The following CACNA1C variants were observed in gnomAD, a reference collection of about 807,000 sequenced individuals.
CACNA1C encodes voltage-dependent L-type calcium channel subunit alpha-1C.
CACNA1C carries 30 observed loss-of-function variants against 229.0 expected under a neutral mutation model. That is an observed-to-expected ratio of 0.13 (90% CI 0.10 to 0.18). The LOEUF (loss-of-function observed/expected upper bound fraction) is 0.18. CACNA1C is among the 10% of genes least tolerant of loss of function. The pLI, the probability that CACNA1C is intolerant of heterozygous loss-of-function variation, is 1.00. For synonymous variants in CACNA1C, 1,114 were observed against 1,132.5 expected, an observed-to-expected ratio of 0.98 and a Z score of 0.33; for missense variants, 1,658 against 2,845.0, an observed-to-expected ratio of 0.58 and a Z score of 9.49.
chr12:2,246,148 G>A lies in CACNA1C; in HGVS notation c.477+125718G>A, dbSNP rs376944179. On this transcript the variant is annotated intron_variant, in intron 3 of 46. Transcript: ENST00000399655. ...AGCAAACAGAGCAAGAGAAGATGGT[G>A]CCGGCAGCAAACAGCACAGGGCATG... Among the ~76,000 whole-genome samples the A allele has an allele frequency of 3.2e-4, 49 of 152,312 alleles. No individual in the cohort carries two copies. The East Asian group carries it at 6.0e-3, about 19-fold the overall frequency.
chr12:2,149,833 T>C (rs2095073553), intron 3 of CACNA1C, among the ~76,000 whole-genome samples: 1 of 152,148 alleles, frequency 6.6e-6, no homozygotes, highest in Non-Finnish European at 1.5e-5. Flanking sequence ...AGGCCTGACC[T>C]GGGGCCCAGG....
rs534319485 is a variant in CACNA1C, at chr12:2,106,265, C to T, written c.50-8959C>T. On this transcript the variant is annotated intron_variant, in intron 1 of 46. Transcript: ENST00000399655. The stretch of plus-strand genomic sequence containing the variant: ...AGCTGGGCGTCCTGAAGCCACTGGG[C>T]GCCCACCCCGGGGAGGATTTCTACC... 1.4e-4 allele frequency among the ~76,000 whole-genome samples: 7 copies of T among 49,856 alleles called. 1 individual carries two copies. The highest frequency in any genetic ancestry group is 7.6e-4 in the South Asian group (1 of 1,310). The allele number at this position is 49,856 out of a possible 152,430, so 32.7% of individuals were successfully genotyped here.
chr12:2,651,195 G>A lies in CACNA1C; in HGVS notation c.3946-445G>A, dbSNP rs2094931876. 5.8e-6 allele frequency: 1 copy of A among 173,538 alleles called. No individual in the cohort carries two copies. The highest frequency in any genetic ancestry group is 6.2e-5 in the Admixed American group (1 of 16,222). 10.7% of individuals were successfully genotyped at this position (173,538 alleles called of 1,614,324 possible). On this transcript the variant is annotated intron_variant, in intron 31 of 46. Transcript: ENST00000399655. This position sits in a 1 kb window ranked among gnomAD's most constrained non-coding sequence, Gnocchi z 5.4. ...CAACCCACATCCTCGGAGAGTGCTG[G>A]GCTCCACTTAGGACACAGGACTGTC...
At chr12:2,499,952 T>C (rs1368179210) in intron 7 of CACNA1C, among the ~76,000 whole-genome samples, 1 of 152,122 alleles carries the variant, frequency 6.6e-6, no homozygotes, top group East Asian at 1.9e-4. Context: ...CCCCCCAAAG[T>C]AGGTGGACCA....
intron 3 of CACNA1C, among the ~76,000 whole-genome samples, chr12:2,281,278 T>A (rs932876300): frequency 2.0e-5 from 3 of 152,170 alleles, no homozygotes; most frequent in African/African-American, 7.2e-5. Context: ...GTTCTAAACC[T>A]CACAATACAT....
rs958905847 is a variant in CACNA1C at position 2,119,356 on chromosome 12, C to T, written c.372-969C>T. On this transcript the variant is annotated intron_variant, in intron 2 of 46. Transcript: ENST00000399655. ...TGGGCTGCAAACTTGGCAGTGGGAG[C>T]GGGGTAGGTGGGAGTGGAGCTGGAA... Among the ~76,000 whole-genome samples the T allele has an allele frequency of 4.6e-5, 7 of 152,154 alleles. No individual in the cohort carries two copies. In the South Asian group the frequency reaches 6.2e-4, roughly 13 times the overall value.
chr12:2,609,941 T>C (rs1044631061), intron 27 of CACNA1C, among the ~76,000 whole-genome samples: 1 of 152,114 alleles, frequency 6.6e-6, no homozygotes, highest in East Asian at 1.9e-4. Context: ...CTGGCCAACA[T>C]GGTGAAACCC....
At chr12:2,517,630 C>G (rs2099799990) in intron 9 of CACNA1C, among the ~76,000 whole-genome samples, 1 of 152,204 alleles carries the variant, frequency 6.6e-6, no homozygotes, top group Non-Finnish European at 1.5e-5. Context: ...ATGTTGAGGT[C>G]TCCCCACTCT....
At chr12:2,110,094 A>G (rs2081062159) in intron 1 of CACNA1C, among the ~76,000 whole-genome samples, 1 of 152,240 alleles carries the variant, frequency 6.6e-6, no homozygotes, top group South Asian at 2.1e-4. Context: ...CCAAGTCCCC[A>G]GCACCAAGCC....
chr12:2,158,544 C>G, intron 3 of CACNA1C, among the ~76,000 whole-genome samples: 1 of 152,036 alleles, frequency 6.6e-6, no homozygotes, highest in East Asian at 1.9e-4. Context: ...AAAAAAGTTT[C>G]TAGAAAGAAG....
chr12:2,060,725 A>AG (rs1280074499), intron 1 of CACNA1C, among the ~76,000 whole-genome samples: 3 of 152,208 alleles, frequency 2.0e-5, no homozygotes, highest in African/African-American at 7.2e-5. Context: ...ATTTGCCAAC[A>AG]GGGGTTTCTT....
intron 1 of CACNA1C, among the ~76,000 whole-genome samples, chr12:2,078,902 G>A (rs2064290115): frequency 6.6e-6 from 1 of 152,004 alleles, no homozygotes; most frequent in Non-Finnish European, 1.5e-5. Flanking sequence ...ATGATAGACT[G>A]GAATAAGAAA....
At chr12:2,555,164 G>A (rs1346970137) in intron 10 of CACNA1C, among the ~76,000 whole-genome samples, 6 of 152,158 alleles carry the variant, frequency 3.9e-5, no homozygotes, top group African/African-American at 7.2e-5. Flanking sequence ...CACCCCCAGC[G>A]CCAATCCTGC....
intron 6 of CACNA1C, among the ~76,000 whole-genome samples, chr12:2,491,434 AAGG>A (rs549559097): frequency 2.0e-5 from 3 of 151,624 alleles, no homozygotes; most frequent in East Asian, 1.9e-4. Flanking sequence ...AGAGGAGAAG[AAGG>A]AGGAGGAGGA....
At chr12:2,327,709 A>T (rs1047684558) in intron 3 of CACNA1C, among the ~76,000 whole-genome samples, 6 of 152,204 alleles carry the variant, frequency 3.9e-5, no homozygotes, top group Admixed American at 1.3e-4. Context: ...TTGAGGGTTG[A>T]TGCAACAGCG....
intron 29 of CACNA1C, among the ~76,000 whole-genome samples, chr12:2,617,270 G>A (rs893878812): frequency 3.3e-5 from 5 of 152,312 alleles, no homozygotes; most frequent in African/African-American, 7.2e-5. Context: ...AGAGCTGCTC[G>A]GGACCCTGGA....
rs16929866 is a variant in CACNA1C, at chr12:2,666,384, T to G, written c.4527-302T>G. ...CAGTAAATACCTTTTGGTCAGAAGGTTAGTTCATTCAATCAGCAAGTATAT... is the reference window on the plus strand; with the variant it reads ...CAGTAAATACCTTTTGGTCAGAAGGGTAGTTCATTCAATCAGCAAGTATAT... On this transcript the variant is annotated intron_variant, in intron 36 of 46. Coordinates refer to ENST00000399655, the MANE Select transcript of CACNA1C (RefSeq NM_000719.7). This position sits in a 1 kb window ranked among gnomAD's most constrained non-coding sequence, Gnocchi z 5.3. Among the ~76,000 whole-genome samples, 2,170 of 152,226 alleles carry G rather than the reference T, an allele frequency of 0.014. 46 individuals are homozygous for G. The highest frequency in any genetic ancestry group is 0.047 in the African/African-American group (1,937 of 41,520).
At chr12:2,281,852 ATTAT>A (rs774417947) in intron 3 of CACNA1C, among the ~76,000 whole-genome samples, 1 of 151,936 alleles carries the variant, frequency 6.6e-6, no homozygotes, top group Non-Finnish European at 1.5e-5. Context: ...ATTTCTGGCT[ATTAT>A]TTATAATTTT....
At chr12:2,408,619 G>T (rs1412571821) in intron 3 of CACNA1C, among the ~76,000 whole-genome samples, 1 of 151,610 alleles carries the variant, frequency 6.6e-6, no homozygotes, top group African/African-American at 2.4e-5. Context: ...TCCTCTTTTA[G>T]AGTCTTTTTA....
Sources: allele counts gnomAD v4.1 joint callset (sites outside exome capture counted in the v4.1 genomes callset), GRCh38; gene constraint gnomAD v4.1.1; non-coding constraint Gnocchi (gnomAD v3.1); transcripts MANE v1.5; gene names NCBI Gene and HGNC (gene_info 2026-07-23, HGNC 2026-07-21).